The following CARS2 variants were observed in gnomAD, a reference collection of about 807,000 sequenced individuals.
CARS2 encodes the protein cysteinyl-tRNA synthetase 2, mitochondrial, also known as probable cysteine--tRNA ligase, mitochondrial.
A neutral mutation model predicts 68.8 loss-of-function variants in CARS2; 52 were observed. The observed-to-expected ratio is 0.76, with a 90% CI of 0.61 to 0.95. The LOEUF is 0.95. CARS2 is among the 40% of genes least tolerant of loss of function. The probability of loss-of-function intolerance (pLI) is 0.00; values close to 1 mark genes in which losing one functional copy is unlikely to be tolerated. For missense variants in CARS2, 780 were observed against 754.2 expected, an observed-to-expected ratio of 1.03 and a Z score of -0.40; for synonymous variants, 314 against 303.6, an observed-to-expected ratio of 1.03 and a Z score of -0.36.
At chr13:110,664,818 A>G (rs2062603607) in intron 8 of CARS2, 1 of 338,026 alleles carries the variant, frequency 3.0e-6, no homozygotes, top group Admixed American at 6.5e-5. Context: ...CTCTCATAAC[A>G]GAGGCCCCTC....
chr13:110,670,353 G>A lies in CARS2; in HGVS notation c.786-2880C>T, dbSNP rs952549210. Among the ~76,000 whole-genome samples, 4 of 152,176 alleles carry A rather than the reference G, an allele frequency of 2.6e-5. No individual in the cohort carries two copies. Among genetic ancestry groups the A allele is most frequent in the East Asian group, 1.9e-4 (1 of 5,196 alleles). On this transcript the variant is annotated intron_variant, in intron 7 of 14. Coordinates refer to ENST00000257347, the MANE Select transcript of CARS2 (RefSeq NM_024537.4). The surrounding 1 kb of genome is among the most constrained non-coding windows in gnomAD (Gnocchi z 4.1). The stretch of plus-strand genomic sequence containing the variant: ...CATACAGCCAGGTGCCCTCTGAGAC[G>A]AAGCTTCCAGAGGAAGGATCATGCA...
intron 3 of CARS2, among the ~76,000 whole-genome samples, chr13:110,698,964 A>C: frequency 6.6e-6 from 1 of 151,668 alleles, no homozygotes; most frequent in African/African-American, 2.4e-5. Flanking sequence ...CTGAACTATG[A>C]CCACACCACT....
At chr13:110,671,424 A>G (rs1185517345) in intron 7 of CARS2, among the ~76,000 whole-genome samples, 1 of 152,220 alleles carries the variant, frequency 6.6e-6, no homozygotes, top group Admixed American at 6.5e-5. Flanking sequence ...GTTCTTAAAG[A>G]AAAGAATTTT....
intron 5 of CARS2, 56 bp downstream of exon 5, chr13:110,687,665 T>TA (rs1400913779): frequency 2.8e-5 from 31 of 1,088,248 alleles, no homozygotes; most frequent in South Asian, 2.4e-4. Context: ...GGTGACAGAG[T>TA]AAAACTCTGT....
Position 110,663,421 on chromosome 13 carries a change from C to T in CARS2, c.987+30G>A, listed in dbSNP as rs370729842. 2.2e-5 allele frequency: 35 copies of T among 1,602,674 alleles called. No homozygotes were observed. In the African/African-American group the frequency reaches 4.0e-4, roughly 19 times the overall value. Reference sequence around the variant, plus strand: ...GATGGGTTCCACAAGCTATCGGCACCTCAGAGATACAATACAAAAAGCACG... The same window carrying T: ...GATGGGTTCCACAAGCTATCGGCACTTCAGAGATACAATACAAAAAGCACG... On this transcript the variant is annotated intron_variant, in intron 9 of 14. Transcript: ENST00000257347.
intron 3 of CARS2, among the ~76,000 whole-genome samples, chr13:110,698,949 C>T (rs2063703044): frequency 6.6e-6 from 1 of 151,814 alleles, no homozygotes; most frequent in Non-Finnish European, 1.5e-5. Context: ...GAGATCAAGG[C>T]TGCACTGAAC....
intron 7 of CARS2, among the ~76,000 whole-genome samples, chr13:110,675,455 A>G (rs943741119): frequency 1.3e-5 from 2 of 152,204 alleles, no homozygotes; most frequent in Non-Finnish European, 2.9e-5. Flanking sequence ...AACTATCACA[A>G]GGACAGAAAA....
At chr13:110,702,394 A>C (rs2063812829) in intron 2 of CARS2, among the ~76,000 whole-genome samples, 1 of 152,230 alleles carries the variant, frequency 6.6e-6, no homozygotes, top group Non-Finnish European at 1.5e-5. Flanking sequence ...CTTGCTTATA[A>C]ATTTGGCAAA....
At chr13:110,696,504 C>T (rs2063628262) in intron 3 of CARS2, among the ~76,000 whole-genome samples, 1 of 152,200 alleles carries the variant, frequency 6.6e-6, no homozygotes, top group Non-Finnish European at 1.5e-5. Flanking sequence ...TTTTGATTTG[C>T]ATTTCTTAAA....
chr13:110,712,515 G>A (rs2064040386), intron 1 of CARS2: 8 of 290,994 alleles, frequency 2.7e-5, no homozygotes, highest in South Asian at 2.1e-4. Flanking sequence ...AGGAGGGGCG[G>A]GCCCTTTGGC....
intron 13 of CARS2, chr13:110,642,870 C>A: frequency 1.9e-6 from 1 of 531,040 alleles, no homozygotes; most frequent in Non-Finnish European, 3.6e-6. Context: ...CAGGAGCAAC[C>A]TGAGGATGAG....
At position 110,653,215 on chromosome 13, in the gene CARS2, T is replaced by TG. The variant is rs1594247550; in HGVS notation, c.988-2116_988-2115insC. Among the ~76,000 whole-genome samples the TG allele has an allele frequency of 8.5e-6, 1 of 117,756 alleles. No individual in the cohort carries two copies. The highest frequency in any genetic ancestry group is 3.6e-5 in the African/African-American group (1 of 27,500). The allele number at this position is 117,756 out of a possible 152,430, so 77.3% of individuals were successfully genotyped here. A position where few individuals can be genotyped will look rare whatever the true frequency, so the allele number is the denominator to read the frequency against. Reference sequence around the variant, plus strand: ...GGCTGGGGTATGTGTGTGTGTGTGTTTGTGTGTGTGTGTGTGAAGAGCCCC... The same window carrying TG: ...GGCTGGGGTATGTGTGTGTGTGTGTTGTGTGTGTGTGTGTGTGAAGAGCCCC... On this transcript the variant is annotated intron_variant, in intron 9 of 14. Coordinates refer to ENST00000257347, the MANE Select transcript of CARS2 (RefSeq NM_024537.4). This position sits in a 1 kb window ranked among gnomAD's most constrained non-coding sequence, Gnocchi z 5.6.
At chr13:110,675,953 C>T (rs2062936843) in intron 7 of CARS2, among the ~76,000 whole-genome samples, 2 of 152,132 alleles carry the variant, frequency 1.3e-5, no homozygotes, top group South Asian at 2.1e-4. Context: ...GTCAGGAGAT[C>T]GAGACCAGCC....
intron 9 of CARS2, chr13:110,662,800 G>C (rs1566674290): frequency 1.5e-5 from 4 of 266,312 alleles, no homozygotes; most frequent in Non-Finnish European, 2.3e-5. Flanking sequence ...AAATCTGATG[G>C]GTACAGCTTT....
chr13:110,677,157 G>T (rs562781182), intron 6 of CARS2, 54 bp from the exon 7 acceptor site: 30 of 1,535,418 alleles, frequency 2.0e-5, no homozygotes, highest in Non-Finnish European at 2.5e-5. Context: ...CCCCACCACG[G>T]ATGCTCAGAC....
chr13:110,691,129 T>C (rs1351244817), intron 3 of CARS2, among the ~76,000 whole-genome samples: 1 of 152,136 alleles, frequency 6.6e-6, no homozygotes, highest in Non-Finnish European at 1.5e-5. Context: ...GATGCTCCTG[T>C]CTCAGCCTCC....
At position 110,705,506 on chromosome 13, in the gene CARS2, A is replaced by C; in HGVS notation, c.275+15T>G. 6.4e-7 allele frequency: 1 copy of C among 1,571,934 alleles called. No individual in the cohort carries two copies. The highest frequency in any genetic ancestry group is 8.6e-7 in the Non-Finnish European group (1 of 1,158,292). ...GGTCCTTTGAAGTATGAAAATTCAA[A>C]TCCAGGAAACTCACCAAGCATGGCC... On this transcript the variant is annotated intron_variant, in intron 2 of 14. Coordinates refer to ENST00000257347, the MANE Select transcript of CARS2 (RefSeq NM_024537.4). The surrounding 1 kb of genome is among the most constrained non-coding windows in gnomAD (Gnocchi z 4.0).
chr13:110,675,755 C>T (rs559118830), intron 7 of CARS2, among the ~76,000 whole-genome samples: 16 of 152,082 alleles, frequency 1.1e-4, no homozygotes, highest in South Asian at 2.1e-4. Flanking sequence ...CGTGGTTATT[C>T]ACTAAGGAGA....
intron 3 of CARS2, among the ~76,000 whole-genome samples, chr13:110,699,034 C>CAA (rs2063707441): frequency 6.6e-6 from 1 of 151,074 alleles, no homozygotes; most frequent in African/African-American, 2.4e-5. Context: ...AAAAAAAACC[C>CAA]AAGGAGGGGT....
Sources: gnomAD v4.1 joint callset for allele counts (sites outside exome capture counted in the v4.1 genomes callset) on GRCh38, gnomAD v4.1.1 for gene constraint, Gnocchi (gnomAD v3.1) non-coding constraint, MANE v1.5 for transcripts, NCBI Gene and HGNC (gene_info 2026-07-23, HGNC 2026-07-21) for gene names.